OR6B1: variants seen among roughly 807,000 people sequenced by gnomAD.
The protein encoded by OR6B1 is olfactory receptor 6B1.
In OR6B1, 15 loss-of-function variants were observed where a neutral mutation model predicts 15.4. That is an observed-to-expected ratio of 0.97 (90% CI 0.65 to 1.50). The LOEUF is 1.50. Ranked by LOEUF, OR6B1 falls within the 40% of genes most tolerant of loss-of-function variation. OR6B1 has a pLI of 0.00. For missense variants in OR6B1, 384 were observed against 385.0 expected (o/e 1.00, Z 0.02); for synonymous variants, 139 against 144.9 (o/e 0.96, Z 0.29).
rs531714150 is a variant in OR6B1 at position 144,002,167 on chromosome 7, A to T, written c.-26+1517A>T. ...TTTGTAGTCGGACCTGGGCTTTATG[A>T]TTCTGATTTTATCACTGTCTAACTT... is the stretch of plus-strand genomic sequence containing the variant. On this transcript the variant is annotated intron_variant, in intron 1 of 1. Transcript: ENST00000641698. Among the ~76,000 whole-genome samples, 72 of 152,302 alleles carry T rather than the reference A, an allele frequency of 4.7e-4. 1 individual carries two copies. In the South Asian group the frequency reaches 0.014, roughly 30 times the overall value.
chr7:144,004,538 T>C lies in OR6B1; in HGVS notation c.542T>C (p.Ile181Thr). Residue 181 changes from isoleucine to threonine, a missense_variant, in exon 2 of 2, where the codon ATC becomes ACC. Coordinates refer to ENST00000641698, the MANE Select transcript of OR6B1 (RefSeq NM_001005281.3). The stretch of plus-strand genomic sequence containing the variant: ...GTCATCAACCACTTCTTCTGTGACA[T>C]CTCTCCAGTACTTAATCTCTCCTGC... ...PNVINHFFCD[I>T]SPVLNLSCTD... The C allele has an allele frequency of 6.2e-7, 1 of 1,614,198 alleles. No homozygotes were observed.
chr7:144,003,773 TCACACACACA>T (rs766413477), intron 1 of OR6B1, among the ~76,000 whole-genome samples, 189 bp from the exon 2 acceptor site: 2 of 140,226 alleles, frequency 1.4e-5, no homozygotes, highest in African/African-American at 5.2e-5. Context: ...ACAGATACAA[TCACACACACA>T]CACACACACA....
Position 144,005,615 on chromosome 7 carries a change from A to G in OR6B1, c.*683A>G, listed in dbSNP as rs967249218. ...GTGGATGAACATAAAATAGATGATA[A>G]ATAAATATCATCAAATATATGAATT... is the stretch of plus-strand genomic sequence containing the variant. On this transcript the variant is annotated 3_prime_UTR_variant, in exon 2 of 2. Transcript: ENST00000641698. 1.1e-4 allele frequency: 17 copies of G among 152,200 alleles called. No individual in the cohort carries two copies. The highest frequency in any genetic ancestry group is 1.8e-4 in the Non-Finnish European group (12 of 68,030). The allele number at this position is 152,200 out of a possible 1,614,324, so 9.4% of individuals were successfully genotyped here.
In OR6B1 at chr7:144,004,254, G is replaced by A. The variant is rs763595129; in HGVS notation, c.258G>A (p.Trp86Ter). ...VTVPKLLFSF[W>*]SVNNSISFTL... Reference sequence around the variant, plus strand: ...TGCCCAAGTTACTGTTTAGTTTTTGGTCTGTGAACAACAGCATCTCTTTCA... The same window carrying A: ...TGCCCAAGTTACTGTTTAGTTTTTGATCTGTGAACAACAGCATCTCTTTCA... Residue 86 changes from tryptophan (W) to a stop codon, truncating the protein, a stop_gained, in exon 2 of 2, where the codon TGG becomes TGA. Coordinates refer to ENST00000641698, the MANE Select transcript of OR6B1 (RefSeq NM_001005281.3). LOFTEE classifies it high-confidence loss of function. The A allele has an allele frequency of 6.8e-6, 11 of 1,614,148 alleles. No homozygotes were observed. In the Admixed American group the frequency reaches 1.7e-4, roughly 24 times the overall value.
intron 1 of OR6B1, among the ~76,000 whole-genome samples, 191 bp from the exon 2 acceptor site, chr7:144,003,773 TCACACACA>T (rs766413477): frequency 0.01 from 1,423 of 140,222 alleles, 33 homozygotes; most frequent in African/African-American, 0.035. Context: ...ACAGATACAA[TCACACACA>T]CACACACACA....
At chr7:144,002,799 C>G (rs962689587) in intron 1 of OR6B1, among the ~76,000 whole-genome samples, 3 of 152,092 alleles carry the variant, frequency 2.0e-5, no homozygotes, top group African/African-American at 4.8e-5. Flanking sequence ...ACCTTCTGGC[C>G]CTGGCTTCCT....
intron 1 of OR6B1, among the ~76,000 whole-genome samples, 199 bp from the exon 2 acceptor site, chr7:144,003,773 T>A (rs868739543): frequency 7.1e-5 from 10 of 140,116 alleles, no homozygotes; most frequent in African/African-American, 1.3e-4. Flanking sequence ...ACAGATACAA[T>A]CACACACACA....
rs1270463720 is a variant in OR6B1 at position 144,003,959 on chromosome 7, T to A, written c.-25-13T>A. The A allele has an allele frequency of 1.7e-5, 24 of 1,441,224 alleles. No individual in the cohort carries two copies. Among genetic ancestry groups the A allele is most frequent in the Non-Finnish European group, 2.2e-5 (23 of 1,052,392 alleles). 89.3% of individuals were successfully genotyped at this position (1,441,224 alleles called of 1,614,324 possible). A position where few individuals can be genotyped will look rare whatever the true frequency, so the allele number is the denominator to read the frequency against. ...GGGCCATGGAGTCTGATCAAATGAT[T>A]TTTCCTCCCCAGGAGAGCTAAGCCC... On this transcript the variant is annotated splice_polypyrimidine_tract_variant and intron_variant, in intron 1 of 1. Coordinates refer to ENST00000641698, the MANE Select transcript of OR6B1 (RefSeq NM_001005281.3).
Position 144,004,426 on chromosome 7 carries a change from C to T in OR6B1, c.430C>T (p.Leu144Phe). 1.2e-6 allele frequency: 2 copies of T among 1,614,204 alleles called. No homozygotes were observed. The highest frequency in any genetic ancestry group is 1.7e-6 in the Non-Finnish European group (2 of 1,180,048). ...AATGAGCCATGGGCTCTGCTTCCGC[C>T]TCGCTCTTGGTTCCTGGGCCATTGG... The part of the protein sequence containing the change: ...TIMSHGLCFR[L>F]ALGSWAIGFG... The change falls in exon 2 of 2, where the codon CTC becomes TTC. Residue 144 changes from leucine (L) to phenylalanine (F), a missense_variant. Physicochemically the swap from Leu to Phe is conservative, Grantham distance 22 (BLOSUM62 0). Transcript: ENST00000641698.
rs1312831177 is a variant in OR6B1 at position 144,004,358 on chromosome 7, A to G, written c.362A>G (p.Asp121Gly). The G allele has an allele frequency of 1.2e-6, 2 of 1,614,030 alleles. No homozygotes were observed. Among genetic ancestry groups the G allele is most frequent in the African/African-American group, 2.7e-5 (2 of 74,914 alleles). The change falls in exon 2 of 2, where the codon GAC becomes GGC. Residue 121 changes from aspartate to glycine, a missense_variant. Asp to Gly is a moderately conservative substitution (Grantham distance 94). Transcript: ENST00000641698. Reference protein sequence around the residue: ...ECVLLAAMAYDRYVAICRPLH... With the variant: ...ECVLLAAMAYGRYVAICRPLH... ...GTGCTTCTGGCCGCCATGGCCTATG[A>G]CCGGTATGTGGCCATCTGTCGCCCA...
chr7:144,007,217 G>C lies in OR6B1; in HGVS notation c.*2285G>C, dbSNP rs532582077. The C allele has an allele frequency of 6.6e-6, 1 of 152,202 alleles. No homozygotes were observed. Among genetic ancestry groups the C allele is most frequent in the South Asian group, 2.1e-4 (1 of 4,822 alleles). The allele number at this position is 152,202 out of a possible 1,614,324, so 9.4% of individuals were successfully genotyped here. ...AACATTGAGCTCCTTCCCCTTTGTGGAAGGAATACCTAAGTGCACAGGCTC... is the reference window on the plus strand; with the variant it reads ...AACATTGAGCTCCTTCCCCTTTGTGCAAGGAATACCTAAGTGCACAGGCTC... On this transcript the variant is annotated 3_prime_UTR_variant, in exon 2 of 2. Transcript: ENST00000641698.
chr7:144,002,710 C>A (rs2050592377), intron 1 of OR6B1, among the ~76,000 whole-genome samples: 1 of 152,138 alleles, frequency 6.6e-6, no homozygotes, highest in South Asian at 2.1e-4. Flanking sequence ...GTCCCATTCA[C>A]CTTTAATCTT....
Position 144,007,737 on chromosome 7 carries a change from G to A in OR6B1, c.*2805G>A, listed in dbSNP as rs936613018. The stretch of plus-strand genomic sequence containing the variant: ...CTAACATACATACATATTGTAATGG[G>A]TTGAATGGTGGCTCCCAAAAATATA... On this transcript the variant is annotated 3_prime_UTR_variant, in exon 2 of 2. Transcript: ENST00000641698. The A allele has an allele frequency of 1.3e-5, 2 of 151,690 alleles. No individual in the cohort carries two copies. The highest frequency in any genetic ancestry group is 2.4e-5 in the African/African-American group (1 of 41,270). 9.4% of individuals were successfully genotyped at this position (151,690 alleles called of 1,614,324 possible). A position where few individuals can be genotyped will look rare whatever the true frequency, so the allele number is the denominator to read the frequency against.
chr7:144,005,860 C>A lies in OR6B1; in HGVS notation c.*928C>A, dbSNP rs1484233450. The A allele has an allele frequency of 2.0e-5, 3 of 152,122 alleles. No homozygotes were observed. Among genetic ancestry groups the A allele is most frequent in the East Asian group, 1.9e-4 (1 of 5,186 alleles). The allele number at this position is 152,122 out of a possible 1,614,324, so 9.4% of individuals were successfully genotyped here. On this transcript the variant is annotated 3_prime_UTR_variant, in exon 2 of 2. Transcript: ENST00000641698. The stretch of plus-strand genomic sequence containing the variant: ...ACTTTCCTTACCTATATATCTAACA[C>A]CCTCTACACACACGCTAGAACCTCA...
chr7:144,005,920 A>G lies in OR6B1; in HGVS notation c.*988A>G, dbSNP rs943239655. ...TGTGCTTTACACCCATAGAAGGTAC[A>G]TAGATATGCTTGCTCTTGGTTCATA... On this transcript the variant is annotated 3_prime_UTR_variant, in exon 2 of 2. Transcript: ENST00000641698. 6.6e-6 allele frequency: 1 copy of G among 152,356 alleles called. No individual in the cohort carries two copies. The highest frequency in any genetic ancestry group is 1.9e-4 in the East Asian group (1 of 5,184). The allele number at this position is 152,356 out of a possible 1,614,324, so 9.4% of individuals were successfully genotyped here.
Position 144,007,529 on chromosome 7 carries a change from A to T in OR6B1, c.*2597A>T, listed in dbSNP as rs1433390144. ...AAATATAAATATATATTAATTACACATGCAGTATATATTTTAAATCACTAT... is the reference window on the plus strand; with the variant it reads ...AAATATAAATATATATTAATTACACTTGCAGTATATATTTTAAATCACTAT... On this transcript the variant is annotated 3_prime_UTR_variant, in exon 2 of 2. Transcript: ENST00000641698. 6.6e-6 allele frequency: 1 copy of T among 152,134 alleles called. No individual in the cohort carries two copies. Among genetic ancestry groups the T allele is most frequent in the African/African-American group, 2.4e-5 (1 of 41,436 alleles). The allele number at this position is 152,134 out of a possible 1,614,324, so 9.4% of individuals were successfully genotyped here. A position where few individuals can be genotyped will look rare whatever the true frequency, so the allele number is the denominator to read the frequency against.
intron 1 of OR6B1, among the ~76,000 whole-genome samples, chr7:144,002,568 A>G (rs745813531): frequency 6.6e-5 from 10 of 152,228 alleles, no homozygotes; most frequent in Non-Finnish European, 1.3e-4. Flanking sequence ...CTGGAACCAC[A>G]GTATTTAAGT....
At chr7:144,003,947 T>C in intron 1 of OR6B1, 25 bp from the exon 2 acceptor site, 1 of 1,274,238 alleles carries the variant, frequency 7.8e-7, no homozygotes, top group African/African-American at 1.5e-5. Flanking sequence ...CCATGGAGTC[T>C]GATCAAATGA....
Position 144,004,728 on chromosome 7 carries a change from G to A in OR6B1, c.732G>A (p.Val244=). 6.2e-7 allele frequency: 1 copy of A among 1,614,174 alleles called. No individual in the cohort carries two copies. The highest frequency in any genetic ancestry group is 8.5e-7 in the Non-Finnish European group (1 of 1,180,032). The change falls in exon 2 of 2, where the codon GTG becomes GTA. Residue 244 remains valine, a synonymous_variant. Coordinates refer to ENST00000641698, the MANE Select transcript of OR6B1 (RefSeq NM_001005281.3). ...TCTCCACTTGTGCCTCCCATCTTGT[G>A]GTGGTCACCATTTTCTATTCAGCCA... The part of the protein sequence containing the change: ...KAFSTCASHL[V]VVTIFYSAII...
Sources: allele counts gnomAD v4.1 joint callset (sites outside exome capture counted in the v4.1 genomes callset), GRCh38; gene constraint gnomAD v4.1.1; transcripts MANE v1.5; gene names NCBI Gene and HGNC (gene_info 2026-07-23, HGNC 2026-07-21).